Variants in KIF13A observed in about 807,000 individuals in gnomAD.
KIF13A encodes kinesin family member 13A, also known as kinesin-like protein KIF13A.
KIF13A carries 79 observed loss-of-function variants against 212.2 expected under a neutral mutation model. The ratio of observed to expected loss-of-function variants is 0.37; its 90% CI spans 0.31 to 0.45. The LOEUF (loss-of-function observed/expected upper bound fraction) is 0.45. KIF13A is among the 20% of genes least tolerant of loss of function. The probability of loss-of-function intolerance (pLI) is 1.00; values close to 1 mark genes in which losing one functional copy is unlikely to be tolerated. For synonymous variants in KIF13A, 789 were observed against 808.6 expected, an observed-to-expected ratio of 0.98 and a Z score of 0.41; for missense variants, 1,901 against 2,209.0, an observed-to-expected ratio of 0.86 and a Z score of 2.79.
chr6:17,856,013 TA>T lies in KIF13A; in HGVS notation c.313+16del. On this transcript the variant is annotated intron_variant, in intron 5 of 38. Coordinates refer to ENST00000259711, the MANE Select transcript of KIF13A (RefSeq NM_022113.6). The surrounding 1 kb of genome is among the most constrained non-coding windows in gnomAD (Gnocchi z 4.5). ...GGCATGATCCCCCACATCTGGTCTA[TA>T]AAAGCAACTTCTTACCTGTCTGTCC... 6.3e-7 allele frequency: 1 copy of T among 1,575,054 alleles called. No homozygotes were observed. The highest frequency in any genetic ancestry group is 1.3e-5 in the African/African-American group (1 of 74,222).
At chr6:17,975,430 G>GA (rs1057049216) in intron 2 of KIF13A, among the ~76,000 whole-genome samples, 1 of 152,092 alleles carries the variant, frequency 6.6e-6, no homozygotes, top group African/African-American at 2.4e-5. Context: ...GTGGGTTCGT[G>GA]ATCTCGCTAG....
At position 17,826,164 on chromosome 6, in the gene KIF13A, G is replaced by T. The variant is rs1202289713; in HGVS notation, c.1533-40C>A. The T allele has an allele frequency of 6.6e-7, 1 of 1,503,832 alleles. No individual in the cohort carries two copies. The highest frequency in any genetic ancestry group is 1.1e-5 in the South Asian group (1 of 87,990). 93.2% of individuals were successfully genotyped at this position (1,503,832 alleles called of 1,614,324 possible). A position where few individuals can be genotyped will look rare whatever the true frequency, so the allele number is the denominator to read the frequency against. On this transcript the variant is annotated intron_variant, in intron 14 of 38. Coordinates refer to ENST00000259711, the MANE Select transcript of KIF13A (RefSeq NM_022113.6). This position sits in a 1 kb window ranked among gnomAD's most constrained non-coding sequence, Gnocchi z 4.7. ...GGGAAAATACCAGGTAAATGGGAAG[G>T]AGCACAAGACCTTGTCCTGGTAGCC... is the stretch of plus-strand genomic sequence containing the variant.
chr6:17,931,958 T>C (rs996572760), intron 2 of KIF13A, among the ~76,000 whole-genome samples: 1 of 152,194 alleles, frequency 6.6e-6, no homozygotes, highest in Admixed American at 6.5e-5. Context: ...TTCCCCACAA[T>C]GGTTCCCAAA....
intron 18 of KIF13A, among the ~76,000 whole-genome samples, chr6:17,806,259 C>G (rs1480387931): frequency 6.6e-6 from 1 of 152,110 alleles, no homozygotes; most frequent in Non-Finnish European, 1.5e-5. Flanking sequence ...AATGGCAACA[C>G]AGCAGTGTCC....
At chr6:17,870,876 T>C (rs143942416) in intron 4 of KIF13A, among the ~76,000 whole-genome samples, 116 of 152,306 alleles carry the variant, frequency 7.6e-4, no homozygotes, top group Non-Finnish European at 1.4e-3. Flanking sequence ...TACGGGAACC[T>C]TCCATTAATC....
chr6:17,846,373 A>G (rs1767060582), intron 9 of KIF13A, among the ~76,000 whole-genome samples: 1 of 152,126 alleles, frequency 6.6e-6, no homozygotes, highest in Non-Finnish European at 1.5e-5. Context: ...CTCAGAGTGT[A>G]TGAAAATGCT....
chr6:17,914,481 G>A lies in KIF13A; in HGVS notation c.147-16301C>T, dbSNP rs980302530. 3.9e-5 allele frequency among the ~76,000 whole-genome samples: 6 copies of A among 152,124 alleles called. No individual in the cohort carries two copies. The highest frequency in any genetic ancestry group is 1.4e-4 in the African/African-American group (6 of 41,426). On this transcript the variant is annotated intron_variant, in intron 2 of 38. Transcript: ENST00000259711. The surrounding 1 kb of genome is among the most constrained non-coding windows in gnomAD (Gnocchi z 5.9). ...ACAATAATGTTTACATGGTCTATATGGGCATTTGCAAAATTAAAATCATAC... is the reference window on the plus strand; with the variant it reads ...ACAATAATGTTTACATGGTCTATATAGGCATTTGCAAAATTAAAATCATAC...
At chr6:17,775,627 C>T (rs1444480470) in intron 34 of KIF13A, among the ~76,000 whole-genome samples, 1 of 152,020 alleles carries the variant, frequency 6.6e-6, no homozygotes, top group Non-Finnish European at 1.5e-5. Flanking sequence ...TTAGTATAGT[C>T]CTTCTTTTTG....
intron 3 of KIF13A, among the ~76,000 whole-genome samples, chr6:17,874,908 T>C (rs1362613069): frequency 1.6e-5 from 2 of 125,336 alleles, no homozygotes; most frequent in Admixed American, 1.6e-4. Flanking sequence ...AGAACAATAG[T>C]CTCCAATCTC....
At chr6:17,767,299 G>A (rs1291235513) in intron 38 of KIF13A, among the ~76,000 whole-genome samples, 2 of 150,320 alleles carry the variant, frequency 1.3e-5, no homozygotes, top group African/African-American at 4.9e-5. Context: ...TTGTCGTCCA[G>A]GCTGGAGTGC....
intron 12 of KIF13A, 136 bp from the exon 13 acceptor site, chr6:17,831,371 T>A: frequency 1.1e-6 from 1 of 945,546 alleles, no homozygotes; most frequent in Non-Finnish European, 1.6e-6. Flanking sequence ...TCAACCACAT[T>A]AACAGAGAGT....
intron 2 of KIF13A, among the ~76,000 whole-genome samples, chr6:17,902,224 A>G (rs1313386852): frequency 1.3e-5 from 2 of 152,192 alleles, no homozygotes; most frequent in East Asian, 3.9e-4. Flanking sequence ...TTTCACTAAC[A>G]CTTGCCTAAA....
chr6:17,799,900 G>T lies in KIF13A; in HGVS notation c.2616+52C>A, dbSNP rs41267716. 183,607 of 1,563,608 alleles carry T rather than the reference G, an allele frequency of 0.12. 12,215 individuals are homozygous for T. Among genetic ancestry groups the T allele is most frequent in the Middle Eastern group, 0.16 (919 of 5,798 alleles). ...CTCTCATAAGATTTTTTGTAAAATG[G>T]TTTTGCATGAAAAAGGTCATTTATA... is the stretch of plus-strand genomic sequence containing the variant. On this transcript the variant is annotated intron_variant, in intron 21 of 38. Transcript: ENST00000259711. This position sits in a 1 kb window ranked among gnomAD's most constrained non-coding sequence, Gnocchi z 4.4.
At chr6:17,831,946 G>C (rs1405425940) in intron 12 of KIF13A, among the ~76,000 whole-genome samples, 4 of 151,976 alleles carry the variant, frequency 2.6e-5, no homozygotes, top group Non-Finnish European at 4.4e-5. Flanking sequence ...GTTATATTCT[G>C]GTGGGAGGAG....
chr6:17,972,146 A>G (rs1266892725), intron 2 of KIF13A, among the ~76,000 whole-genome samples: 5 of 152,236 alleles, frequency 3.3e-5, no homozygotes, highest in African/African-American at 4.8e-5. Flanking sequence ...GAGATGCTTA[A>G]AAGTGGATAA....
At chr6:17,972,230 A>G (rs1419577307) in intron 2 of KIF13A, among the ~76,000 whole-genome samples, 1 of 152,210 alleles carries the variant, frequency 6.6e-6, no homozygotes, top group Non-Finnish European at 1.5e-5. Flanking sequence ...TATTCAAAAC[A>G]TTATCCTTGA....
chr6:17,810,571 T>C (rs1429650155), intron 17 of KIF13A, among the ~76,000 whole-genome samples: 1 of 152,218 alleles, frequency 6.6e-6, no homozygotes, highest in African/African-American at 2.4e-5. Context: ...CTCAAGTGCA[T>C]TACATTTATT....
intron 2 of KIF13A, among the ~76,000 whole-genome samples, chr6:17,953,232 C>T (rs983940674): frequency 2.6e-5 from 4 of 152,138 alleles, no homozygotes; most frequent in African/African-American, 9.7e-5. Flanking sequence ...GGTTAGAGAA[C>T]AGTTCATATA....
rs1015855641 is a variant in KIF13A at position 17,773,629 on chromosome 6, A to G, written c.4219-46T>C. 27 of 1,106,070 alleles carry G rather than the reference A, an allele frequency of 2.4e-5. No homozygotes were observed. The highest frequency in any genetic ancestry group is 3.5e-5 in the Non-Finnish European group (26 of 751,714). The allele number at this position is 1,106,070 out of a possible 1,614,324, so 68.5% of individuals were successfully genotyped here. On this transcript the variant is annotated intron_variant, in intron 35 of 38. Transcript: ENST00000259711. The surrounding 1 kb of genome is among the most constrained non-coding windows in gnomAD (Gnocchi z 4.2). The stretch of plus-strand genomic sequence containing the variant: ...TTAACTGTAATTGAATCACTCCAAA[A>G]TAAGAAATAAAGCCCAGGTTGGAGT...
Sources: allele counts gnomAD v4.1 joint callset (sites outside exome capture counted in the v4.1 genomes callset), GRCh38; gene constraint gnomAD v4.1.1; non-coding constraint Gnocchi (gnomAD v3.1); transcripts MANE v1.5; gene names NCBI Gene and HGNC (gene_info 2026-07-23, HGNC 2026-07-21).